The following PRKCD variants were observed in gnomAD, a reference collection of about 807,000 sequenced individuals.
PRKCD encodes protein kinase C delta.
A neutral mutation model predicts 82.2 loss-of-function variants in PRKCD; 20 were observed. The ratio of observed to expected loss-of-function variants is 0.24; its 90% CI spans 0.17 to 0.35. The LOEUF (loss-of-function observed/expected upper bound fraction) is 0.35, where lower values mean the gene tolerates loss of function less well. PRKCD is among the 10% of genes least tolerant of loss of function. The probability of loss-of-function intolerance (pLI) is 1.00; values close to 1 mark genes in which losing one functional copy is unlikely to be tolerated. For synonymous variants in PRKCD, 317 were observed against 337.0 expected, an observed-to-expected ratio of 0.94 and a Z score of 0.65; for missense variants, 607 against 899.0, an observed-to-expected ratio of 0.68 and a Z score of 4.15.
intron 17 of PRKCD, 31 bp from the exon 18 acceptor site, chr3:53,189,842 G>C: frequency 6.2e-7 from 1 of 1,613,660 alleles, no homozygotes; most frequent in Non-Finnish European, 8.5e-7. Context: ...ATGGCCCTTG[G>C]GTGCTAACCA....
chr3:53,184,813 C>T (rs983537438), intron 9 of PRKCD, 61 bp from the exon 10 acceptor site: 3 of 1,468,190 alleles, frequency 2.0e-6, no homozygotes, highest in Admixed American at 1.7e-5. Context: ...GCCTCTCCTA[C>T]ACTGCCCCCT....
chr3:53,162,269 T>TCG (rs1256753338), intron 1 of PRKCD, among the ~76,000 whole-genome samples: 2 of 138,776 alleles, frequency 1.4e-5, no homozygotes, highest in Admixed American at 6.8e-5. Context: ...GGGGAGGAGG[T>TCG]CGGGGGGGGG....
At chr3:53,188,187 C>CAAAAAAAA (rs557772373) in intron 15 of PRKCD, among the ~76,000 whole-genome samples, 803 of 45,404 alleles carry the variant, frequency 0.018, 168 homozygotes, top group East Asian at 0.041. Flanking sequence ...GACTGTGTCT[C>CAAAAAAAA]AAAAAAAAAA....
chr3:53,183,406 C>A, intron 8 of PRKCD, 46 bp from the exon 9 acceptor site: 1 of 1,610,066 alleles, frequency 6.2e-7, no homozygotes, highest in Non-Finnish European at 8.5e-7. Flanking sequence ...GAAGAAGAGG[C>A]TGGAGCTGGC....
intron 9 of PRKCD, 89 bp downstream of exon 9, chr3:53,183,670 C>T: frequency 6.5e-7 from 1 of 1,543,364 alleles, no homozygotes; most frequent in South Asian, 1.2e-5. Context: ...ACCCTCGCCT[C>T]CTCACCTGGA....
intron 1 of PRKCD, among the ~76,000 whole-genome samples, chr3:53,163,434 G>T (rs1702739646): frequency 6.6e-6 from 1 of 151,902 alleles, no homozygotes; most frequent in East Asian, 1.9e-4. Flanking sequence ...CATGGAGAGG[G>T]CTAGAGGGCA....
chr3:53,188,628 G>A (rs1159588548), intron 15 of PRKCD, 92 bp from the exon 16 acceptor site: 1 of 1,529,456 alleles, frequency 6.5e-7, no homozygotes, highest in Non-Finnish European at 9.0e-7. Flanking sequence ...GGACAGTCCT[G>A]GACTAATACG....
chr3:53,178,581 G>A (rs1441095895), intron 3 of PRKCD, 44 bp downstream of exon 3: 4 of 1,546,806 alleles, frequency 2.6e-6, no homozygotes, highest in Non-Finnish European at 3.5e-6. Flanking sequence ...GGGAATCTGG[G>A]CCCAGCTGGA....
intron 5 of PRKCD, 84 bp downstream of exon 5, chr3:53,181,351 C>CG (rs1703433127): frequency 1.0e-5 from 16 of 1,607,100 alleles, no homozygotes; most frequent in Non-Finnish European, 1.4e-5. Context: ...CTGCTCCCTT[C>CG]GGCAGAGCTG....
At position 53,186,180 on chromosome 3, in the gene PRKCD, A is replaced by T; in HGVS notation, c.1100A>T (p.Glu367Val). 3 of 1,613,760 alleles carry T rather than the reference A, an allele frequency of 1.9e-6. No homozygotes were observed. The highest frequency in any genetic ancestry group is 8.5e-7 in the Non-Finnish European group (1 of 1,179,832). Residue 367 changes from glutamate (E) to valine (V), a missense_variant, in exon 13 of 19, where the codon GAG becomes GTG. Transcript: ENST00000330452. ...TCTCCCCATCAGGTGCTGCTTGGAG[A>T]GCTGAAGGGCAGAGGAGAGTACTTT... The part of the protein sequence containing the change: ...KGSFGKVLLG[E>V]LKGRGEYFAI...
intron 2 of PRKCD, among the ~76,000 whole-genome samples, chr3:53,170,380 A>C (rs1254971780): frequency 6.6e-6 from 1 of 152,238 alleles, no homozygotes; most frequent in Non-Finnish European, 1.5e-5. Flanking sequence ...CTGGAGCTCA[A>C]GGAACTTGCT....
Position 53,178,536 on chromosome 3 carries a change from A to T in PRKCD, c.114A>T (p.Thr38=), listed in dbSNP as rs782036073. Residue 38 remains threonine, a splice_region_variant and synonymous_variant, in exon 3 of 19, where the codon ACA becomes ACT. Coordinates refer to ENST00000330452, the MANE Select transcript of PRKCD (RefSeq NM_006254.4). ...CAVKMKEALS[T]ERGKTLVQKK... ...TGAAGATGAAGGAGGCGCTCAGCAC[A>T]GGTAGGCCTGGAGGCTGGACCCTGG... is the stretch of plus-strand genomic sequence containing the variant. 3.1e-6 allele frequency: 5 copies of T among 1,611,686 alleles called. No individual in the cohort carries two copies. The highest frequency in any genetic ancestry group is 4.2e-6 in the Non-Finnish European group (5 of 1,179,100).
rs1575541157 is a variant in PRKCD, at chr3:53,185,848, C to G, written c.986-79C>G. ...CCCTTCCTCTCTGAGGCCCCTTCCC[C>G]CAGCCTACCCCAGGCCCCGGGGGAG... On this transcript the variant is annotated intron_variant, in intron 11 of 18. Transcript: ENST00000330452. 4.5e-6 allele frequency: 7 copies of G among 1,560,244 alleles called. No homozygotes were observed. In the East Asian group the frequency reaches 9.0e-5, roughly 20 times the overall value.
intron 9 of PRKCD, among the ~76,000 whole-genome samples, chr3:53,184,526 T>G (rs577826303): frequency 6.6e-6 from 1 of 151,508 alleles, no homozygotes; most frequent in South Asian, 2.1e-4. Context: ...AAATACAAAA[T>G]TAGCCGGATA....
At chr3:53,188,280 A>G (rs1703788878) in intron 15 of PRKCD, among the ~76,000 whole-genome samples, 1 of 150,952 alleles carries the variant, frequency 6.6e-6, no homozygotes, top group Admixed American at 6.6e-5. Flanking sequence ...GGAGAGCCTC[A>G]TGATTGAGCT....
chr3:53,186,595 C>T lies in PRKCD; in HGVS notation c.1261-9C>T. 3 of 1,608,914 alleles carry T rather than the reference C, an allele frequency of 1.9e-6. No homozygotes were observed. The highest frequency in any genetic ancestry group is 2.5e-6 in the Non-Finnish European group (3 of 1,176,916). On this transcript the variant is annotated splice_polypyrimidine_tract_variant and intron_variant, in intron 13 of 18. Coordinates refer to ENST00000330452, the MANE Select transcript of PRKCD (RefSeq NM_006254.4). ...TCCTCACCCCTGCTCACCACCCTTC[C>T]CACCCCAGGACCACCTGTTCTTTGT...
intron 2 of PRKCD, among the ~76,000 whole-genome samples, chr3:53,176,924 G>T (rs558477993): frequency 1.3e-5 from 2 of 152,196 alleles, no homozygotes; most frequent in South Asian, 2.1e-4. Flanking sequence ...TGCCTCCCAG[G>T]TTCCAGCCAT....
chr3:53,162,695 CGTGTG>C (rs1364914175), intron 1 of PRKCD, among the ~76,000 whole-genome samples: 1 of 147,972 alleles, frequency 6.8e-6, no homozygotes, highest in Non-Finnish European at 1.5e-5. Context: ...TCACCAGACT[CGTGTG>C]TGTGTGTGTG....
intron 17 of PRKCD, among the ~76,000 whole-genome samples, 194 bp downstream of exon 17, chr3:53,189,440 C>T (rs941421010): frequency 3.3e-5 from 5 of 152,180 alleles, no homozygotes; most frequent in Non-Finnish European, 7.3e-5. Flanking sequence ...TAGAATCAGC[C>T]TGACATGGTG....
Sources: gnomAD v4.1 joint callset for allele counts (sites outside exome capture counted in the v4.1 genomes callset) on GRCh38, gnomAD v4.1.1 for gene constraint, MANE v1.5 for transcripts, NCBI Gene and HGNC (gene_info 2026-07-23, HGNC 2026-07-21) for gene names.